The following KIRREL3 variants were observed in gnomAD, a reference collection of about 807,000 sequenced individuals.
KIRREL3 encodes kin of IRRE-like protein 3.
A neutral mutation model predicts 89.7 loss-of-function variants in KIRREL3; 36 were observed. The ratio of observed to expected loss-of-function variants is 0.40; its 90% confidence interval spans 0.31 to 0.53. KIRREL3 has a LOEUF of 0.53. Ranked by LOEUF, KIRREL3 falls within the 20% of genes least tolerant of loss-of-function variation. The pLI is 0.49. For synonymous variants in KIRREL3, 445 were observed against 441.4 expected (o/e 1.01, Z -0.10); for missense variants, 864 against 1,056.6 (o/e 0.82, Z 2.53).
intron 1 of KIRREL3, among the ~76,000 whole-genome samples, chr11:126,809,120 G>C (rs979033556): frequency 2.0e-5 from 3 of 152,122 alleles, no homozygotes; most frequent in Admixed American, 6.5e-5. Flanking sequence ...TACAATAACA[G>C]AGTCTCACAA....
Position 126,565,617 on chromosome 11 carries a change from C to T in KIRREL3, c.56-2705G>A, listed in dbSNP as rs115304085. Among the ~76,000 whole-genome samples the T allele has an allele frequency of 9.0e-3, 1,371 of 152,182 alleles. 20 individuals carry two copies. The highest frequency in any genetic ancestry group is 0.03 in the African/African-American group (1,246 of 41,520). On this transcript the variant is annotated intron_variant, in intron 1 of 16. Coordinates refer to ENST00000525144, the MANE Select transcript of KIRREL3 (RefSeq NM_032531.4). This position sits in a 1 kb window ranked among gnomAD's most constrained non-coding sequence, Gnocchi z 5.4. ...GAAGCTACTGGGATCTTTGCAAGAA[C>T]GAGCAGGTTGGAGGATGAGTGAAGT...
At chr11:126,986,338 T>C (rs1949866375) in intron 1 of KIRREL3, among the ~76,000 whole-genome samples, 1 of 152,184 alleles carries the variant, frequency 6.6e-6, no homozygotes. Flanking sequence ...TCAATACTTG[T>C]GGTTGTATTG....
In KIRREL3 at chr11:126,989,886, T is replaced by C. The variant is rs894348805; in HGVS notation, c.55+10569A>G. Among the ~76,000 whole-genome samples the C allele has an allele frequency of 3.3e-5, 5 of 152,198 alleles. No homozygotes were observed. Among genetic ancestry groups the C allele is most frequent in the Non-Finnish European group, 5.9e-5 (4 of 68,042 alleles). ...TTATAATGGTGTTGTTGGAAATTAG[T>C]AATACCATCCAGAGGTGAAAACAGA... On this transcript the variant is annotated intron_variant, in intron 1 of 16. Transcript: ENST00000525144. This position sits in a 1 kb window ranked among gnomAD's most constrained non-coding sequence, Gnocchi z 6.2.
At chr11:126,509,991 CAAAAAAAAAAAA>C (rs58061522) in intron 4 of KIRREL3, among the ~76,000 whole-genome samples, 1 of 62,060 alleles carries the variant, frequency 1.6e-5, no homozygotes, top group Non-Finnish European at 2.8e-5. Flanking sequence ...GACTCCGTCT[CAAAAAAAAAAAA>C]AAAAAAAAAA....
chr11:126,662,403 C>T (rs1366781949), intron 1 of KIRREL3, among the ~76,000 whole-genome samples: 1 of 152,164 alleles, frequency 6.6e-6, no homozygotes, highest in Non-Finnish European at 1.5e-5. Context: ...GTGCTGCTGT[C>T]ACAGAGTACC....
At chr11:126,777,273 T>C (rs1337897650) in intron 1 of KIRREL3, among the ~76,000 whole-genome samples, 1 of 152,180 alleles carries the variant, frequency 6.6e-6, no homozygotes, top group Non-Finnish European at 1.5e-5. Flanking sequence ...TCAGGAATTA[T>C]CTGGCCCCAA....
Position 126,535,845 on chromosome 11 carries a change from C to T in KIRREL3, c.134-9158G>A, listed in dbSNP as rs190764265. Among the ~76,000 whole-genome samples the T allele has an allele frequency of 2.8e-3, 430 of 152,282 alleles. 3 individuals are homozygous for T. The highest frequency in any genetic ancestry group is 9.4e-3 in the African/African-American group (392 of 41,560). ...ACTAAAAATACAAAAATTAGCGGGA[C>T]ATGGTGGTGCGTGCCTGTAATCCCA... On this transcript the variant is annotated intron_variant, in intron 2 of 16. Coordinates refer to ENST00000525144, the MANE Select transcript of KIRREL3 (RefSeq NM_032531.4). This position sits in a 1 kb window ranked among gnomAD's most constrained non-coding sequence, Gnocchi z 4.5.
Position 126,424,849 on chromosome 11 carries a change from C to G in KIRREL3, c.2068G>C (p.Asp690His). Reference sequence around the variant, plus strand: ...CCCAGCACAAACCGCTGCCCGTAGTCGTAGAGGCGGCCCTGGCCGCTCAGG... The same window carrying G: ...CCCAGCACAAACCGCTGCCCGTAGTGGTAGAGGCGGCCCTGGCCGCTCAGG... Reference protein sequence around the residue: ...STLSGQGRLYDYGQRFVLGMG... With the variant: ...STLSGQGRLYHYGQRFVLGMG... Residue 690 changes from aspartate (D) to histidine (H), a missense_variant, in exon 17 of 17, where the codon GAC becomes CAC. By Grantham distance (81) the Asp-to-His change is moderately conservative (BLOSUM62 -1). Coordinates refer to ENST00000525144, the MANE Select transcript of KIRREL3 (RefSeq NM_032531.4). The G allele has an allele frequency of 1.9e-6, 3 of 1,613,966 alleles. No individual in the cohort carries two copies. Among genetic ancestry groups the G allele is most frequent in the Non-Finnish European group, 2.5e-6 (3 of 1,179,858 alleles).
intron 1 of KIRREL3, among the ~76,000 whole-genome samples, chr11:126,725,280 A>T (rs562281902): frequency 6.6e-6 from 1 of 152,312 alleles, no homozygotes; most frequent in African/African-American, 2.4e-5. Flanking sequence ...GAGACTTAGC[A>T]TCAGTGCCAA....
rs1954967429 is a variant in KIRREL3, at chr11:126,427,033, C to T, written c.1807-1309G>A. On this transcript the variant is annotated intron_variant, in intron 15 of 16. Coordinates refer to ENST00000525144, the MANE Select transcript of KIRREL3 (RefSeq NM_032531.4). The surrounding 1 kb of genome is among the most constrained non-coding windows in gnomAD (Gnocchi z 5.3). ...CCTCAGCAAGTCCCTTCTGCTCCCA[C>T]CTGACACTGAGCTGCCCCCACTCTT... Among the ~76,000 whole-genome samples, 1 of 152,192 alleles carries T rather than the reference C, an allele frequency of 6.6e-6. No individual in the cohort carries two copies. The highest frequency in any genetic ancestry group is 2.4e-5 in the African/African-American group (1 of 41,440).
chr11:126,979,844 C>T (rs1270260572), intron 1 of KIRREL3, among the ~76,000 whole-genome samples: 2 of 152,168 alleles, frequency 1.3e-5, no homozygotes, highest in East Asian at 1.9e-4. Flanking sequence ...CAGAAGGATG[C>T]TACTTAGAAC....
At chr11:126,735,982 A>G (rs114006320) in intron 1 of KIRREL3, among the ~76,000 whole-genome samples, 2,147 of 152,320 alleles carry the variant, frequency 0.014, 47 homozygotes, top group African/African-American at 0.045. Context: ...TTTATTCTCC[A>G]GTTATTACTG....
chr11:126,830,892 T>C lies in KIRREL3; in HGVS notation c.55+169563A>G, dbSNP rs1354366439. Among the ~76,000 whole-genome samples the C allele has an allele frequency of 2.0e-5, 3 of 152,194 alleles. No individual in the cohort carries two copies. The highest frequency in any genetic ancestry group is 4.4e-5 in the Non-Finnish European group (3 of 68,044). On this transcript the variant is annotated intron_variant, in intron 1 of 16. Transcript: ENST00000525144. This position sits in a 1 kb window ranked among gnomAD's most constrained non-coding sequence, Gnocchi z 4.9. Reference sequence around the variant, plus strand: ...AAAAGATCACATAATTACCAAGATGTTGCTTTATGGGCAAGGGGTACGGCC... The same window carrying C: ...AAAAGATCACATAATTACCAAGATGCTGCTTTATGGGCAAGGGGTACGGCC...
intron 1 of KIRREL3, among the ~76,000 whole-genome samples, chr11:126,839,942 A>C (rs1943907735): frequency 6.6e-6 from 1 of 152,210 alleles, no homozygotes; most frequent in South Asian, 2.1e-4. Flanking sequence ...TGCACTTCGT[A>C]CAGAGTGCAT....
At chr11:126,698,760 T>C (rs963302763) in intron 1 of KIRREL3, among the ~76,000 whole-genome samples, 2 of 152,238 alleles carry the variant, frequency 1.3e-5, no homozygotes, top group Admixed American at 6.5e-5. Context: ...TCCAGGGCTC[T>C]GAGTGACTCC....
chr11:126,952,802 A>C (rs1396527787), intron 1 of KIRREL3, among the ~76,000 whole-genome samples: 1 of 152,236 alleles, frequency 6.6e-6, no homozygotes, highest in East Asian at 1.9e-4. Flanking sequence ...CACGCCAGTT[A>C]GAATGGTGAT....
At chr11:126,469,630 G>A (rs1255794191) in intron 5 of KIRREL3, among the ~76,000 whole-genome samples, 2 of 152,218 alleles carry the variant, frequency 1.3e-5, no homozygotes, top group African/African-American at 4.8e-5. Flanking sequence ...TGACGTGTGC[G>A]GGCTCTGCTG....
Position 126,877,401 on chromosome 11 carries a change from T to A in KIRREL3, c.55+123054A>T, listed in dbSNP as rs1945332284. Among the ~76,000 whole-genome samples, 1 of 152,218 alleles carries A rather than the reference T, an allele frequency of 6.6e-6. No individual in the cohort carries two copies. The highest frequency in any genetic ancestry group is 2.1e-4 in the South Asian group (1 of 4,828). ...TTGGTCAGTAACGGGGCAGAGGAAG[T>A]AGATCATTTGGTCTCTGAAACCCAA... On this transcript the variant is annotated intron_variant, in intron 1 of 16. Transcript: ENST00000525144. This position sits in a 1 kb window ranked among gnomAD's most constrained non-coding sequence, Gnocchi z 4.9.
intron 1 of KIRREL3, among the ~76,000 whole-genome samples, chr11:126,749,936 C>T (rs1232952244): frequency 6.6e-6 from 1 of 152,102 alleles, no homozygotes; most frequent in African/African-American, 2.4e-5. Flanking sequence ...AACCAGTGCG[C>T]GTTTTGATGC....
Sources: gnomAD v4.1 joint callset for allele counts (sites outside exome capture counted in the v4.1 genomes callset) on GRCh38, gnomAD v4.1.1 for gene constraint, Gnocchi (gnomAD v3.1) non-coding constraint, MANE v1.5 for transcripts, NCBI Gene and HGNC (gene_info 2026-07-23, HGNC 2026-07-21) for gene names.